Variants in TSC22D1 observed in about 807,000 individuals in gnomAD.
TSC22D1 encodes TSC22 domain family protein 1.
Under a neutral mutation model 74.2 loss-of-function variants are expected in TSC22D1, and 9 were observed. That is an observed-to-expected ratio of 0.12 (90% CI 0.07 to 0.21). TSC22D1 has a LOEUF of 0.21. TSC22D1 is among the 10% of genes least tolerant of loss of function. The pLI is 1.00. For missense variants in TSC22D1, 1,427 were observed against 1,304.7 expected, an observed-to-expected ratio of 1.09 and a Z score of -1.44; for synonymous variants, 586 against 492.5, an observed-to-expected ratio of 1.19 and a Z score of -2.51.
chr13:44,557,446 C>T lies in TSC22D1; in HGVS notation c.2912+15717G>A, dbSNP rs948591855. Among the ~76,000 whole-genome samples the T allele has an allele frequency of 2.0e-5, 3 of 152,164 alleles. No individual in the cohort carries two copies. The East Asian group carries it at 5.8e-4, about 29-fold the overall frequency. On this transcript the variant is annotated intron_variant, in intron 1 of 2. Coordinates refer to ENST00000458659, the MANE Select transcript of TSC22D1 (RefSeq NM_183422.4). ...ACTGCACTCCAGTCTGGCGACAGAGCGAGACTCCGTCTCAAAACAAAACAA... is the reference window on the plus strand; with the variant it reads ...ACTGCACTCCAGTCTGGCGACAGAGTGAGACTCCGTCTCAAAACAAAACAA...
chr13:44,500,241 T>C (rs944291377), intron 1 of TSC22D1, among the ~76,000 whole-genome samples: 1 of 152,164 alleles, frequency 6.6e-6, no homozygotes, highest in African/African-American at 2.4e-5. Flanking sequence ...CCATTATATA[T>C]ATTTAATTTT....
At position 44,433,520 on chromosome 13, in the gene TSC22D1, T is replaced by C. The variant is rs1874233297; in HGVS notation, c.*1106A>G. 1 of 153,284 alleles carries C rather than the reference T, an allele frequency of 6.5e-6. No homozygotes were observed. The allele number at this position is 153,284 out of a possible 1,614,324, so 9.5% of individuals were successfully genotyped here. A position where few individuals can be genotyped will look rare whatever the true frequency, so the allele number is the denominator to read the frequency against. On this transcript the variant is annotated 3_prime_UTR_variant, in exon 3 of 3. Coordinates refer to ENST00000458659, the MANE Select transcript of TSC22D1 (RefSeq NM_183422.4). ...TTAACAGGGTCATATGAAAAACACT[T>C]GTTTATCAACATTTATATGCTTTAT...
intron 1 of TSC22D1, among the ~76,000 whole-genome samples, chr13:44,531,242 T>C (rs531559855): frequency 1.3e-5 from 2 of 152,322 alleles, no homozygotes; most frequent in East Asian, 3.9e-4. Flanking sequence ...CTACACTTAC[T>C]GGTCAACTAT....
Position 44,468,911 on chromosome 13 carries a change from T to C in TSC22D1, c.2913-32816A>G, listed in dbSNP as rs546632835. On this transcript the variant is annotated intron_variant, in intron 1 of 2. Transcript: ENST00000458659. ...CTTAACCTCACCTAGCAAGTTGCTA[T>C]GTTTTATCAATTCTGCCCTAATAAT... 4.6e-5 allele frequency among the ~76,000 whole-genome samples: 6 copies of C among 130,628 alleles called. No homozygotes were observed. In the South Asian group the frequency reaches 1.4e-3, roughly 31 times the overall value. 85.7% of individuals were successfully genotyped at this position (130,628 alleles called of 152,430 possible).
rs988828341 is a variant in TSC22D1 at position 44,522,147 on chromosome 13, A to G, written c.2912+51016T>C. ...GAAAAGGCATCCCTGAAGAGGAAAC[A>G]TTTAAGCTGAGACTTAAAAGGGGCA... On this transcript the variant is annotated intron_variant, in intron 1 of 2. Coordinates refer to ENST00000458659, the MANE Select transcript of TSC22D1 (RefSeq NM_183422.4). 2.0e-5 allele frequency among the ~76,000 whole-genome samples: 3 copies of G among 152,228 alleles called. No homozygotes were observed. In the East Asian group the frequency reaches 5.8e-4, roughly 29 times the overall value.
At chr13:44,550,335 C>A (rs1566168611) in intron 1 of TSC22D1, among the ~76,000 whole-genome samples, 1 of 152,114 alleles carries the variant, frequency 6.6e-6, no homozygotes, top group East Asian at 1.9e-4. Context: ...GTAATCCCAG[C>A]ACTTTGGGAG....
intron 1 of TSC22D1, among the ~76,000 whole-genome samples, chr13:44,527,745 G>A (rs1334494139): frequency 2.6e-5 from 4 of 152,012 alleles, no homozygotes; most frequent in Admixed American, 2.0e-4. Context: ...AAAACACAGA[G>A]ACTTTCAAAG....
In TSC22D1 at chr13:44,434,666, G is replaced by T; in HGVS notation, c.3182C>A (p.Pro1061His). 1 of 1,597,862 alleles carries T rather than the reference G, an allele frequency of 6.3e-7. No homozygotes were observed. The highest frequency in any genetic ancestry group is 1.1e-5 in the South Asian group (1 of 88,394). ...TGAGCCCTGCGATGCTGGCTGGGCGGGGGGCTGTGTGGTGCCCTGTGGCTG... is the reference window on the plus strand; with the variant it reads ...TGAGCCCTGCGATGCTGGCTGGGCGTGGGGCTGTGTGGTGCCCTGTGGCTG... Reference protein sequence around the residue: ...TTQPQGTTQPPAQPASQGSGP... With the variant: ...TTQPQGTTQPHAQPASQGSGP... Residue 1061 changes from proline (P) to histidine (H), a missense_variant, in exon 3 of 3, where the codon CCC becomes CAC. Pro to His is a moderately conservative substitution (Grantham distance 77). Around this residue, in one of 3 missense-constraint regions of TSC22D1, gnomAD observed 63 missense variants for 50.5 expected, o/e 1.25. Transcript: ENST00000458659.
chr13:44,519,620 G>T (rs962489929), intron 1 of TSC22D1, among the ~76,000 whole-genome samples: 2 of 152,050 alleles, frequency 1.3e-5, no homozygotes, highest in African/African-American at 4.8e-5. Flanking sequence ...ATTATAGCAA[G>T]AATTTTTGTC....
At chr13:44,517,210 C>G (rs1880033446) in intron 1 of TSC22D1, among the ~76,000 whole-genome samples, 1 of 152,082 alleles carries the variant, frequency 6.6e-6, no homozygotes, top group Admixed American at 6.6e-5. Context: ...CTCTATTCAT[C>G]CTGTACTACA....
intron 1 of TSC22D1, among the ~76,000 whole-genome samples, chr13:44,554,516 C>CTT (rs1238156545): frequency 6.8e-6 from 1 of 147,904 alleles, no homozygotes; most frequent in African/African-American, 2.5e-5. Context: ...AAAACCATGT[C>CTT]TTTTTTTTTC....
chr13:44,516,405 C>A (rs1879985492), intron 1 of TSC22D1: 1 of 410,376 alleles, frequency 2.4e-6, no homozygotes, highest in Non-Finnish European at 4.7e-6. Flanking sequence ...AATAAAAGTT[C>A]CTGAAGACTT....
intron 1 of TSC22D1, chr13:44,437,246 T>G: frequency 1.0e-6 from 1 of 985,482 alleles, no homozygotes; most frequent in African/African-American, 1.7e-5. Flanking sequence ...GCTTCCTATT[T>G]GTAACCCGAA....
intron 1 of TSC22D1, among the ~76,000 whole-genome samples, chr13:44,515,674 G>C (rs1254448846): frequency 6.6e-6 from 1 of 152,140 alleles, no homozygotes; most frequent in Non-Finnish European, 1.5e-5. Context: ...CTGGCCTCAA[G>C]TGATCACCCA....
intron 1 of TSC22D1, among the ~76,000 whole-genome samples, chr13:44,514,158 T>C (rs1185505827): frequency 1.3e-5 from 2 of 152,146 alleles, no homozygotes; most frequent in Non-Finnish European, 2.9e-5. Flanking sequence ...ATTCATTAAG[T>C]GTTATTAGAA....
intron 1 of TSC22D1, among the ~76,000 whole-genome samples, chr13:44,515,152 T>C (rs966683245): frequency 3.9e-5 from 6 of 152,156 alleles, no homozygotes; most frequent in African/African-American, 1.2e-4. Flanking sequence ...TGAATATATA[T>C]ATGCAGATAG....
chr13:44,492,983 A>C (rs1878795744), intron 1 of TSC22D1, among the ~76,000 whole-genome samples: 1 of 152,134 alleles, frequency 6.6e-6, no homozygotes, highest in Non-Finnish European at 1.5e-5. Context: ...TCTTCTATCA[A>C]ATTTATTCTT....
chr13:44,453,321 A>C lies in TSC22D1; in HGVS notation c.2913-17226T>G, dbSNP rs138178299. On this transcript the variant is annotated intron_variant, in intron 1 of 2. Transcript: ENST00000458659. ...TTTTTGCATAAACATATGCATGACTATTAGTGCACTGAAGTCAATTTTTAA... is the reference window on the plus strand; with the variant it reads ...TTTTTGCATAAACATATGCATGACTCTTAGTGCACTGAAGTCAATTTTTAA... Among the ~76,000 whole-genome samples the C allele has an allele frequency of 5.4e-4, 83 of 152,360 alleles. 3 individuals are homozygous for C. The East Asian group carries it at 0.016, about 29-fold the overall frequency.
At chr13:44,436,726 A>G (rs932794150) in intron 1 of TSC22D1, 11 of 1,503,290 alleles carry the variant, frequency 7.3e-6, no homozygotes, top group African/African-American at 4.2e-5. Context: ...CAGCCCAGGG[A>G]GAAACAGAAA....
Sources: gnomAD v4.1 joint callset for allele counts (sites outside exome capture counted in the v4.1 genomes callset) on GRCh38, gnomAD v4.1.1 for gene constraint, gnomAD v4.1.1 regional missense constraint, MANE v1.5 for transcripts, NCBI Gene and HGNC (gene_info 2026-07-23, HGNC 2026-07-21) for gene names.